The following DENND2D variants were observed in gnomAD, a reference collection of about 807,000 sequenced individuals.
DENND2D encodes DENN domain-containing protein 2D.
DENND2D carries 37 observed loss-of-function variants against 59.8 expected under a neutral mutation model. The observed-to-expected ratio is 0.62, with a 90% confidence interval of 0.48 to 0.81. The LOEUF is 0.81. DENND2D is among the 40% of genes least tolerant of loss of function. The probability of loss-of-function intolerance (pLI) is 0.00; values close to 1 mark genes in which losing one functional copy is unlikely to be tolerated. For missense variants in DENND2D, 525 were observed against 579.7 expected, an observed-to-expected ratio of 0.91 and a Z score of 0.97; for synonymous variants, 219 against 211.3, an observed-to-expected ratio of 1.04 and a Z score of -0.31.
chr1:111,202,830 C>T (rs1262526501), upstream of DENND2D, among the ~76,000 whole-genome samples: 1 of 152,108 alleles, frequency 6.6e-6, no homozygotes, highest in Admixed American at 6.5e-5. Context: ...AGGGCATATG[C>T]TCCTGGCCCT....
intron 8 of DENND2D, among the ~76,000 whole-genome samples, chr1:111,190,083 G>T (rs1657609815): frequency 6.8e-6 from 1 of 146,554 alleles, no homozygotes; most frequent in South Asian, 2.1e-4. Context: ...AGAATGGCGT[G>T]AACCCGGGAG....
chr1:111,203,640 T>C (rs1200726798), upstream of DENND2D, among the ~76,000 whole-genome samples: 1 of 152,228 alleles, frequency 6.6e-6, no homozygotes, highest in Admixed American at 6.5e-5. Context: ...GGGAATTATG[T>C]CCATTTCACT....
chr1:111,189,051 T>C (rs188878029), intron 9 of DENND2D, among the ~76,000 whole-genome samples, 161 bp downstream of exon 9: 1 of 152,292 alleles, frequency 6.6e-6, no homozygotes, highest in East Asian at 1.9e-4. Flanking sequence ...AAGTCATCTG[T>C]GTTTATGTCC....
intron 7 of DENND2D, 59 bp from the exon 8 acceptor site, chr1:111,192,376 CCCT>C: frequency 1.4e-6 from 2 of 1,447,480 alleles, no homozygotes; most frequent in Non-Finnish European, 1.8e-6. Flanking sequence ...TGCTACACAC[CCCT>C]CATCGCCCAC....
At chr1:111,198,576 A>C (rs1416846262) in intron 3 of DENND2D, 54 bp downstream of exon 3, 2 of 1,559,670 alleles carry the variant, frequency 1.3e-6, no homozygotes, top group Non-Finnish European at 1.8e-6. Context: ...CACAGAACTC[A>C]CACATGTTCC....
At chr1:111,190,472 G>T (rs1026690881) in intron 8 of DENND2D, among the ~76,000 whole-genome samples, 2 of 152,148 alleles carry the variant, frequency 1.3e-5, no homozygotes, top group Non-Finnish European at 2.9e-5. Flanking sequence ...TAATTGATTT[G>T]GTTTCCAATA....
upstream of DENND2D, among the ~76,000 whole-genome samples, chr1:111,203,805 C>T (rs189560242): frequency 1.7e-3 from 256 of 152,204 alleles, 1 homozygote; most frequent in African/African-American, 5.8e-3. Context: ...TCGGGGAGAC[C>T]TGTGTTTGTG....
At chr1:111,195,248 G>T (rs1284393278) in intron 6 of DENND2D, 2 of 154,500 alleles carry the variant, frequency 1.3e-5, no homozygotes, top group Non-Finnish European at 2.9e-5. Context: ...CAAAAGGTCA[G>T]GGACCACATT....
chr1:111,199,062 C>T (rs1658542582), intron 2 of DENND2D, among the ~76,000 whole-genome samples: 1 of 152,180 alleles, frequency 6.6e-6, no homozygotes, highest in East Asian at 1.9e-4. Flanking sequence ...TGGCCCAGGC[C>T]CCTGGGAGGA....
chr1:111,189,132 TTAAA>T, intron 9 of DENND2D, 76 bp downstream of exon 9: 8 of 1,511,322 alleles, frequency 5.3e-6, no homozygotes, highest in Non-Finnish European at 7.3e-6. Flanking sequence ...AAATGTTTGT[TTAAA>T]TAAGTGGAAC....
At chr1:111,194,484 C>G (rs1241555277) in intron 7 of DENND2D, 94 bp downstream of exon 7, 5 of 1,457,152 alleles carry the variant, frequency 3.4e-6, no homozygotes, top group Non-Finnish European at 4.7e-6. Context: ...CGCATGGACC[C>G]TACAGCCCAT....
At chr1:111,197,830 C>T (rs901372308) in intron 4 of DENND2D, 90 bp downstream of exon 4, 8 of 1,588,442 alleles carry the variant, frequency 5.0e-6, no homozygotes, top group Admixed American at 1.8e-5. Flanking sequence ...TGCCAATAAG[C>T]CCGGAGTTTT....
At chr1:111,192,716 A>T (rs1657892707) in intron 7 of DENND2D, among the ~76,000 whole-genome samples, 1 of 152,180 alleles carries the variant, frequency 6.6e-6, no homozygotes, top group Non-Finnish European at 1.5e-5. Context: ...CAGGAAGAGT[A>T]AGACACTGAC....
At chr1:111,189,914 C>T (rs1307782753) in intron 8 of DENND2D, among the ~76,000 whole-genome samples, 5 of 152,124 alleles carry the variant, frequency 3.3e-5, no homozygotes, top group African/African-American at 7.2e-5. Flanking sequence ...CCTGTAATCC[C>T]AGCACTTTGG....
chr1:111,191,574 G>A (rs974981159), intron 8 of DENND2D, among the ~76,000 whole-genome samples: 3 of 152,196 alleles, frequency 2.0e-5, no homozygotes, highest in Non-Finnish European at 2.9e-5. Flanking sequence ...CTGCCAAGAT[G>A]TAAGAAGCTA....
chr1:111,197,492 G>GGGGTA (rs1658357909), intron 4 of DENND2D: 2 of 1,410,662 alleles, frequency 1.4e-6, no homozygotes, highest in Admixed American at 5.8e-5. Flanking sequence ...TCAGCAAAGA[G>GGGGTA]GGGTAGCAAG....
chr1:111,200,224 A>T, intron 1 of DENND2D, 169 bp downstream of exon 1: 1 of 855,446 alleles, frequency 1.2e-6, no homozygotes, highest in South Asian at 1.6e-5. Context: ...CAGAGAGGGC[A>T]TGACCAGCTC....
upstream of DENND2D, chr1:111,200,698 G>C (rs895866164): frequency 6.9e-6 from 9 of 1,300,190 alleles, no homozygotes; most frequent in Admixed American, 6.2e-5. Flanking sequence ...TCAGCATCCT[G>C]GCACTGCAGC....
chr1:111,186,839 C>T lies in DENND2D; in HGVS notation c.*766G>A, dbSNP rs1657278175. ...TATGGAAGCCATGTAGTGTTCTTCACAGGCTGCTGTTGACTGAAATTCCTA... is the reference window on the plus strand; with the variant it reads ...TATGGAAGCCATGTAGTGTTCTTCATAGGCTGCTGTTGACTGAAATTCCTA... On this transcript the variant is annotated 3_prime_UTR_variant, in exon 12 of 12. Coordinates refer to ENST00000357640, the MANE Select transcript of DENND2D (RefSeq NM_024901.5). Among the ~76,000 whole-genome samples the T allele has an allele frequency of 6.6e-6, 1 of 152,202 alleles. No homozygotes were observed. The highest frequency in any genetic ancestry group is 1.5e-5 in the Non-Finnish European group (1 of 68,040).
Sources: gnomAD v4.1 joint callset for allele counts (sites outside exome capture counted in the v4.1 genomes callset) on GRCh38, gnomAD v4.1.1 for gene constraint, MANE v1.5 for transcripts, NCBI Gene and HGNC (gene_info 2026-07-23, HGNC 2026-07-21) for gene names.